EFCAB10: variants seen among roughly 807,000 people sequenced by gnomAD.
EFCAB10 encodes EF-hand calcium-binding domain-containing protein 10.
EFCAB10 carries 7 observed loss-of-function variants against 7.7 expected under a neutral mutation model. The observed-to-expected ratio is 0.91, with a 90% CI of 0.52 to 1.72. EFCAB10 has a LOEUF of 1.72. Ranked by LOEUF, EFCAB10 falls within the 40% of genes most tolerant of loss-of-function variation. EFCAB10 has a pLI of 0.00. For synonymous variants in EFCAB10, 52 were observed against 21.0 expected (o/e 2.47, Z -4.03); for missense variants, 112 against 61.5 (o/e 1.82, Z -2.74).
At chr7:105,570,268 T>TATATATACAC (rs1188257284) in intron 1 of EFCAB10, among the ~76,000 whole-genome samples, 2 of 66,446 alleles carry the variant, frequency 3.0e-5, no homozygotes, top group African/African-American at 6.3e-5. Context: ...TATATATATA[T>TATATATACAC]ACACACACAC....
chr7:105,576,733 C>T (rs1373841091), intron 1 of EFCAB10, among the ~76,000 whole-genome samples: 4 of 152,074 alleles, frequency 2.6e-5, no homozygotes, highest in South Asian at 4.1e-4. Flanking sequence ...TGTGAGCCAC[C>T]GCGCCTAGCC....
chr7:105,580,279 C>T (rs1243406964), intron 1 of EFCAB10, among the ~76,000 whole-genome samples: 1 of 152,076 alleles, frequency 6.6e-6, no homozygotes, highest in Non-Finnish European at 1.5e-5. Flanking sequence ...TGAGTCACCG[C>T]CCCCAAGGAG....
At chr7:105,570,638 G>T (rs1461626591) in intron 1 of EFCAB10, among the ~76,000 whole-genome samples, 1 of 151,934 alleles carries the variant, frequency 6.6e-6, no homozygotes, top group Non-Finnish European at 1.5e-5. Flanking sequence ...TCGAGCTCAT[G>T]GGCTCAAGCA....
rs1225383397 is a variant in EFCAB10, at chr7:105,569,414, A to G, written c.264T>C (p.Tyr88=). 12 of 701,940 alleles carry G rather than the reference A, an allele frequency of 1.7e-5. No individual in the cohort carries two copies. Among genetic ancestry groups the G allele is most frequent in the Middle Eastern group, 2.3e-4 (1 of 4,384 alleles). The allele number at this position is 701,940 out of a possible 1,614,324, so 43.5% of individuals were successfully genotyped here. Residue 88 remains tyrosine, a synonymous_variant, in exon 2 of 5, where the codon TAT becomes TAC. Coordinates refer to ENST00000480514, the MANE Select transcript of EFCAB10 (RefSeq NM_001355526.2). Reference sequence around the variant, plus strand: ...TTTGTAGAATGTACTGACCTTCTTTATACTGCACAAATGATATGGTGCCTC... The same window carrying G: ...TTTGTAGAATGTACTGACCTTCTTTGTACTGCACAAATGATATGGTGCCTC... ...SGRGTISFVQ[Y]KEALKTLGLC...
intron 1 of EFCAB10, among the ~76,000 whole-genome samples, chr7:105,577,005 G>C (rs1410686567): frequency 1.3e-5 from 2 of 151,416 alleles, no homozygotes; most frequent in Non-Finnish European, 2.9e-5. Flanking sequence ...AGTGAGCCAA[G>C]ATGTGCCACT....
At chr7:105,570,230 AAAAAAAAAAAATAT>A (rs1318612009) in intron 1 of EFCAB10, among the ~76,000 whole-genome samples, 32 of 64,640 alleles carry the variant, frequency 5.0e-4, no homozygotes, top group African/African-American at 2.1e-3. Context: ...AAAAAAAAAA[AAAAAAAAAAAATAT>A]ATATATATAT....
intron 1 of EFCAB10, among the ~76,000 whole-genome samples, chr7:105,570,002 C>A (rs912249451): frequency 3.3e-5 from 5 of 151,148 alleles, no homozygotes; most frequent in Non-Finnish European, 5.9e-5. Flanking sequence ...GAGGGCAGAT[C>A]ACCTGAGGTT....
Position 105,570,854 on chromosome 7 carries a change from T to A in EFCAB10, c.107-1283A>T, listed in dbSNP as rs1164633726. On this transcript the variant is annotated intron_variant, in intron 1 of 4. Coordinates refer to ENST00000480514, the MANE Select transcript of EFCAB10 (RefSeq NM_001355526.2). ...CCCGGCTAACACGGTGAAACCCCGTTCTCTACTAAAAATACAAAAACTTAG... is the reference window on the plus strand; with the variant it reads ...CCCGGCTAACACGGTGAAACCCCGTACTCTACTAAAAATACAAAAACTTAG... Among the ~76,000 whole-genome samples, 4 of 151,992 alleles carry A rather than the reference T, an allele frequency of 2.6e-5. No individual in the cohort carries two copies. In the East Asian group the frequency reaches 5.8e-4, roughly 22 times the overall value.
intron 1 of EFCAB10, 128 bp downstream of exon 1, chr7:105,581,230 G>A: frequency 1.6e-6 from 1 of 625,544 alleles, no homozygotes; most frequent in Non-Finnish European, 2.9e-6. Context: ...AGGCCGCAGA[G>A]TTAATCAACA....
chr7:105,574,728 C>G (rs986615345), intron 1 of EFCAB10, among the ~76,000 whole-genome samples: 10 of 151,874 alleles, frequency 6.6e-5, no homozygotes, highest in African/African-American at 2.4e-4. Flanking sequence ...TGTGATCTGC[C>G]TGCCTCAGCC....
chr7:105,578,465 G>T (rs1285527700), intron 1 of EFCAB10, among the ~76,000 whole-genome samples: 4 of 152,010 alleles, frequency 2.6e-5, no homozygotes, highest in African/African-American at 9.7e-5. Context: ...AGGAAAATAA[G>T]AAAAATACTT....
rs1209254689 is a variant in EFCAB10 at position 105,574,934 on chromosome 7, T to TAA, written c.107-5365_107-5364dup. On this transcript the variant is annotated intron_variant, in intron 1 of 4. Transcript: ENST00000480514. ...AACATGGTGAAACTCTATCCCTACT[T>TAA]AAAAAAAAAAAAAAAAAAAAAAATC... Among the ~76,000 whole-genome samples, 498 of 103,528 alleles carry TAA rather than the reference T, an allele frequency of 4.8e-3. 1 individual carries two copies. Among genetic ancestry groups the TAA allele is most frequent in the Non-Finnish European group, 7.6e-3 (372 of 48,710 alleles). The allele number at this position is 103,528 out of a possible 152,430, so 67.9% of individuals were successfully genotyped here. A position where few individuals can be genotyped will look rare whatever the true frequency, so the allele number is the denominator to read the frequency against.
Position 105,569,577 on chromosome 7 carries a change from A to G in EFCAB10, c.107-6T>C, listed in dbSNP as rs1562866061. Reference sequence around the variant, plus strand: ...TAAATATTCTTTTGGTTTTTCTGCAAAAGAATAGTTCCAGCTCTTTCTGAT... The same window carrying G: ...TAAATATTCTTTTGGTTTTTCTGCAGAAGAATAGTTCCAGCTCTTTCTGAT... On this transcript the variant is annotated splice_region_variant and splice_polypyrimidine_tract_variant and intron_variant, in intron 1 of 4. Coordinates refer to ENST00000480514, the MANE Select transcript of EFCAB10 (RefSeq NM_001355526.2). 7.2e-6 allele frequency: 5 copies of G among 690,642 alleles called. No individual in the cohort carries two copies. The highest frequency in any genetic ancestry group is 1.3e-5 in the Non-Finnish European group (5 of 381,932). The allele number at this position is 690,642 out of a possible 1,614,324, so 42.8% of individuals were successfully genotyped here. A position where few individuals can be genotyped will look rare whatever the true frequency, so the allele number is the denominator to read the frequency against.
intron 1 of EFCAB10, among the ~76,000 whole-genome samples, chr7:105,577,530 T>C (rs1390768196): frequency 6.6e-6 from 1 of 152,010 alleles, no homozygotes; most frequent in African/African-American, 2.4e-5. Flanking sequence ...CTGCTTTGAG[T>C]GTGATTCTGT....
rs1060503048 is a variant in EFCAB10, at chr7:105,565,588, C to T, written c.*-141G>A. 1.9e-6 allele frequency: 3 copies of T among 1,613,966 alleles called. No individual in the cohort carries two copies. The highest frequency in any genetic ancestry group is 2.5e-6 in the Non-Finnish European group (3 of 1,179,922). On this transcript the variant is annotated intron_variant, in intron 4 of 4. Transcript: ENST00000480514. Reference sequence around the variant, plus strand: ...GCAGCCCAGCTGCAGTTTGATATGACTCGGAATCTTTTCCCTTTGTTTTCT... The same window carrying T: ...GCAGCCCAGCTGCAGTTTGATATGATTCGGAATCTTTTCCCTTTGTTTTCT...
chr7:105,570,918 G>A (rs893841249), intron 1 of EFCAB10, among the ~76,000 whole-genome samples: 3 of 151,966 alleles, frequency 2.0e-5, no homozygotes, highest in Non-Finnish European at 2.9e-5. Context: ...CCAGCTACTC[G>A]GGAGGCTGAG....
At position 105,567,286 on chromosome 7, in the gene EFCAB10, C is replaced by T. The variant is rs1201370538; in HGVS notation, c.383+181G>A. On this transcript the variant is annotated intron_variant, in intron 4 of 4. Coordinates refer to ENST00000480514, the MANE Select transcript of EFCAB10 (RefSeq NM_001355526.2). ...GTTGAGATTCTACTTAATTTGAGGA[C>T]AAATTGGCCTAATACTGGAAAATAA... 1 of 1,605,686 alleles carries T rather than the reference C, an allele frequency of 6.2e-7. No individual in the cohort carries two copies.
chr7:105,574,170 ACC>A (rs1404888211), intron 1 of EFCAB10, among the ~76,000 whole-genome samples: 9 of 108,194 alleles, frequency 8.3e-5, no homozygotes, highest in Non-Finnish European at 1.9e-5. Flanking sequence ...ATACACACAC[ACC>A]CATATGTATA....
intron 1 of EFCAB10, chr7:105,571,694 CCTT>C (rs1201502541): frequency 6.6e-6 from 1 of 152,214 alleles, no homozygotes; most frequent in Non-Finnish European, 1.5e-5. Context: ...ACCAGAAAGT[CCTT>C]CTCTACCACC....
Sources: gnomAD v4.1 joint callset for allele counts (sites outside exome capture counted in the v4.1 genomes callset) on GRCh38, gnomAD v4.1.1 for gene constraint, MANE v1.5 for transcripts, NCBI Gene and HGNC (gene_info 2026-07-23, HGNC 2026-07-21) for gene names.